DLGAP2: variants seen among roughly 807,000 people sequenced by gnomAD.
DLGAP2 encodes the protein disks large-associated protein 2.
In DLGAP2, 26 loss-of-function variants were observed where a neutral mutation model predicts 100.3. That is an observed-to-expected ratio of 0.26 (90% CI 0.19 to 0.36). The LOEUF (loss-of-function observed/expected upper bound fraction) is 0.36, where lower values mean the gene tolerates loss of function less well. DLGAP2 is among the 10% of genes least tolerant of loss of function. DLGAP2 has a pLI of 1.00. For synonymous variants in DLGAP2, 886 were observed against 630.1 expected, an observed-to-expected ratio of 1.41 and a Z score of -6.08; for missense variants, 1,858 against 1,453.2, an observed-to-expected ratio of 1.28 and a Z score of -4.53.
chr8:1,537,645 G>C (rs1801197392), intron 4 of DLGAP2, among the ~76,000 whole-genome samples: 1 of 152,014 alleles, frequency 6.6e-6, no homozygotes, highest in South Asian at 2.1e-4. Context: ...ATCTACTGTG[G>C]AGCCTGGAAC....
intron 3 of DLGAP2, among the ~76,000 whole-genome samples, chr8:1,319,987 G>T (rs1424606033): frequency 6.6e-6 from 1 of 152,166 alleles, no homozygotes; most frequent in African/African-American, 2.4e-5. Context: ...GGGTGGGGGA[G>T]AATAGGGCAG....
At position 1,318,920 on chromosome 8, in the gene DLGAP2, T is replaced by G. The variant is rs190899281; in HGVS notation, c.106+60037T>G. ...CAGTGGGTCCCCATAGATTTTAGGATTAACTCAAAACGCTCAGCATGGTTT... is the reference window on the plus strand; with the variant it reads ...CAGTGGGTCCCCATAGATTTTAGGAGTAACTCAAAACGCTCAGCATGGTTT... On this transcript the variant is annotated intron_variant, in intron 3 of 14. Coordinates refer to ENST00000637795, the MANE Select transcript of DLGAP2 (RefSeq NM_001346810.2). Among the ~76,000 whole-genome samples, 33 of 152,132 alleles carry G rather than the reference T, an allele frequency of 2.2e-4. 1 individual carries two copies. In the East Asian group the frequency reaches 6.2e-3, roughly 29 times the overall value.
chr8:1,633,265 C>G (rs1330122917), intron 8 of DLGAP2, among the ~76,000 whole-genome samples: 7 of 152,090 alleles, frequency 4.6e-5, no homozygotes, highest in Non-Finnish European at 1.0e-4. Flanking sequence ...TACTCATTAG[C>G]AAGTTTCCTT....
chr8:1,444,195 G>A (rs974265394), intron 3 of DLGAP2, among the ~76,000 whole-genome samples: 6 of 152,106 alleles, frequency 3.9e-5, no homozygotes, highest in African/African-American at 1.4e-4. Context: ...AAGCGATCCT[G>A]TTGCCTTGGC....
intron 3 of DLGAP2, among the ~76,000 whole-genome samples, chr8:1,358,695 G>C (rs116333009): frequency 6.6e-6 from 1 of 152,130 alleles, no homozygotes; most frequent in African/African-American, 2.4e-5. Flanking sequence ...TAGGAGAAAC[G>C]TGTTATCCCC....
At chr8:899,882 C>G (rs980939592) in intron 1 of DLGAP2, among the ~76,000 whole-genome samples, 3 of 152,200 alleles carry the variant, frequency 2.0e-5, no homozygotes, top group African/African-American at 7.2e-5. Flanking sequence ...GTTATGTGAA[C>G]TGCAGAGGGT....
chr8:1,648,077 C>T (rs1798084107), intron 8 of DLGAP2, among the ~76,000 whole-genome samples: 1 of 152,312 alleles, frequency 6.6e-6, no homozygotes, highest in African/African-American at 2.4e-5. Context: ...TTAAATTAAC[C>T]CGTGCGTGTA....
chr8:833,551 A>G (rs899394626), intron 1 of DLGAP2, among the ~76,000 whole-genome samples: 3 of 152,120 alleles, frequency 2.0e-5, no homozygotes, highest in Admixed American at 6.5e-5. Flanking sequence ...CTCTGGCTCA[A>G]GGTTCTCTGG....
intron 7 of DLGAP2, among the ~76,000 whole-genome samples, chr8:1,631,991 G>A (rs561113962): frequency 1.3e-5 from 2 of 152,206 alleles, no homozygotes; most frequent in Non-Finnish European, 2.9e-5. Flanking sequence ...AATCCAGGGG[G>A]TTCAGAAAGC....
intron 2 of DLGAP2, among the ~76,000 whole-genome samples, chr8:946,623 TTC>T (rs1417458523): frequency 6.6e-6 from 1 of 152,186 alleles, no homozygotes; most frequent in Admixed American, 6.5e-5. Flanking sequence ...TAGGGGTTCT[TTC>T]TGTTTTTATT....
intron 2 of DLGAP2, among the ~76,000 whole-genome samples, chr8:1,125,522 A>C (rs973448677): frequency 6.6e-6 from 1 of 152,308 alleles, no homozygotes; most frequent in South Asian, 2.1e-4. Flanking sequence ...GAATTATATC[A>C]TGCAGATGAA....
At chr8:749,436 A>G (rs974784439) in intron 1 of DLGAP2, among the ~76,000 whole-genome samples, 6 of 152,228 alleles carry the variant, frequency 3.9e-5, no homozygotes, top group African/African-American at 1.4e-4. Context: ...TTATTTTAAA[A>G]ATCAGAATTG....
At chr8:767,410 G>A (rs1018011539) in intron 1 of DLGAP2, among the ~76,000 whole-genome samples, 4 of 149,142 alleles carry the variant, frequency 2.7e-5, no homozygotes, top group Non-Finnish European at 4.4e-5. Context: ...GAGTGCAATG[G>A]TGCCATCTTG....
In DLGAP2 at chr8:1,037,109, GC is replaced by G. The variant is rs145847848; in HGVS notation, c.73+129146del. On this transcript the variant is annotated intron_variant, in intron 2 of 14. Transcript: ENST00000637795. ...CTGGAGAGTGGGCAGTGTGGCTCCT[GC>G]CCATGGTCACGTAGAGAGAGAGGAA... Among the ~76,000 whole-genome samples, 912 of 152,216 alleles carry G rather than the reference GC, an allele frequency of 6.0e-3. 10 individuals carry two copies. The highest frequency in any genetic ancestry group is 0.02 in the African/African-American group (851 of 41,528).
chr8:1,136,953 G>C (rs1305597991), intron 2 of DLGAP2, among the ~76,000 whole-genome samples: 1 of 152,226 alleles, frequency 6.6e-6, no homozygotes, highest in Non-Finnish European at 1.5e-5. Context: ...TGTGTAGTAT[G>C]TCTGAAAAAC....
chr8:1,140,207 C>T (rs1043489112), intron 2 of DLGAP2, among the ~76,000 whole-genome samples: 7 of 152,258 alleles, frequency 4.6e-5, no homozygotes, highest in East Asian at 1.9e-4. Context: ...CATGAAACTC[C>T]GGGCCTCAGC....
At chr8:975,245 A>G (rs1800133203) in intron 2 of DLGAP2, among the ~76,000 whole-genome samples, 1 of 152,226 alleles carries the variant, frequency 6.6e-6, no homozygotes, top group Non-Finnish European at 1.5e-5. Context: ...TTTAACAAAT[A>G]ACTAATAACT....
intron 2 of DLGAP2, among the ~76,000 whole-genome samples, chr8:1,023,653 C>G (rs1023557368): frequency 6.6e-6 from 1 of 151,848 alleles, no homozygotes; most frequent in Non-Finnish European, 1.5e-5. Context: ...CCACGTGTGG[C>G]TCAAATATCA....
At chr8:1,068,288 G>A (rs889347279) in intron 2 of DLGAP2, among the ~76,000 whole-genome samples, 2 of 152,210 alleles carry the variant, frequency 1.3e-5, no homozygotes, top group Admixed American at 6.5e-5. Context: ...TCGTGTGGAT[G>A]TAAGTTTCCA....
Sources: gnomAD v4.1 joint callset for allele counts (sites outside exome capture counted in the v4.1 genomes callset) on GRCh38, gnomAD v4.1.1 for gene constraint, MANE v1.5 for transcripts, NCBI Gene and HGNC (gene_info 2026-07-23, HGNC 2026-07-21) for gene names.